The following LRCH3 variants were observed in gnomAD, a reference collection of about 807,000 sequenced individuals.
LRCH3 encodes leucine rich repeats and calponin homology domain containing 3, also known as DISP complex protein LRCH3.
Under a neutral mutation model 104.5 loss-of-function variants are expected in LRCH3, and 68 were observed. The ratio of observed to expected loss-of-function variants is 0.65; its 90% CI spans 0.54 to 0.80. The LOEUF is 0.80. Among genes scored for constraint, LRCH3 ranks in the 30% least tolerant of loss-of-function variants. The pLI is 0.00. For missense variants in LRCH3, 951 were observed against 953.9 expected (o/e 1.00, Z 0.04); for synonymous variants, 344 against 361.3 (o/e 0.95, Z 0.54).
At position 197,802,592 on chromosome 3, in the gene LRCH3, T is replaced by G. The variant is rs140545920; in HGVS notation, c.262+11052T>G. Among the ~76,000 whole-genome samples, 409 of 152,302 alleles carry G rather than the reference T, an allele frequency of 2.7e-3. 4 individuals are homozygous for G. The highest frequency in any genetic ancestry group is 9.3e-3 in the African/African-American group (385 of 41,562). On this transcript the variant is annotated intron_variant, in intron 1 of 20. Coordinates refer to ENST00000425562, the MANE Select transcript of LRCH3 (RefSeq NM_001365715.1). ...GAGTTCGAGAAGGATTGTTATTAGTTCTTCATATGTTTGGTAGAATTCAGC... is the reference window on the plus strand; with the variant it reads ...GAGTTCGAGAAGGATTGTTATTAGTGCTTCATATGTTTGGTAGAATTCAGC...
At position 197,871,355 on chromosome 3, in the gene LRCH3, C is replaced by A. The variant is rs754821529; in HGVS notation, c.2023C>A (p.Pro675Thr). ...HIEYRLKVSL[P>T]CDLGAALTDG... ...TGAGTACCGGTTGAAAGTGTCTCTA[C>A]CTTGTGATCTCGGAGCAGCTCTAAC... Residue 675 changes from proline (P) to threonine (T), a missense_variant, in exon 19 of 21, where the codon CCT becomes ACT. Physicochemically the swap from Pro to Thr is conservative, Grantham distance 38. Coordinates refer to ENST00000425562, the MANE Select transcript of LRCH3 (RefSeq NM_001365715.1). The A allele has an allele frequency of 1.9e-6, 3 of 1,613,772 alleles. No individual in the cohort carries two copies. The South Asian group carries it at 3.3e-5, about 18-fold the overall frequency.
intron 20 of LRCH3, among the ~76,000 whole-genome samples, chr3:197,880,041 G>A (rs1457547037): frequency 6.6e-6 from 1 of 150,534 alleles, no homozygotes; most frequent in Non-Finnish European, 1.5e-5. Flanking sequence ...CGCCTCCCGG[G>A]TTCCCGCCAT....
chr3:197,847,005 T>C (rs1738835215), intron 10 of LRCH3, among the ~76,000 whole-genome samples: 1 of 152,204 alleles, frequency 6.6e-6, no homozygotes. Flanking sequence ...ATAAGTACAG[T>C]TACGAGGTTC....
In LRCH3 at chr3:197,885,306, T is replaced by A. The variant is rs1391575693; in HGVS notation, c.*1640T>A. On this transcript the variant is annotated 3_prime_UTR_variant, in exon 21 of 21. Coordinates refer to ENST00000425562, the MANE Select transcript of LRCH3 (RefSeq NM_001365715.1). ...TAACTGCCAGTTTCTGTGGCTGAAT[T>A]TAAGCACTTACAGCATCTTCCTAGC... is the stretch of plus-strand genomic sequence containing the variant. 6.6e-6 allele frequency: 1 copy of A among 152,244 alleles called. No individual in the cohort carries two copies. Among genetic ancestry groups the A allele is most frequent in the East Asian group, 1.9e-4 (1 of 5,202 alleles). 9.4% of individuals were successfully genotyped at this position (152,244 alleles called of 1,614,324 possible).
chr3:197,886,822 AAAAC>A lies in LRCH3; in HGVS notation c.*3157_*3160del, dbSNP rs1430527211. On this transcript the variant is annotated 3_prime_UTR_variant, in exon 21 of 21. Coordinates refer to ENST00000425562, the MANE Select transcript of LRCH3 (RefSeq NM_001365715.1). Reference sequence around the variant, plus strand: ...TCTGTCTCAAAAAAAAAAAAAAAAAAAAACCCACCAAACCAAAAATATACTATGC... The same window carrying A: ...TCTGTCTCAAAAAAAAAAAAAAAAAACCACCAAACCAAAAATATACTATGC... 6.6e-6 allele frequency: 1 copy of A among 151,980 alleles called. No homozygotes were observed. The highest frequency in any genetic ancestry group is 2.4e-5 in the African/African-American group (1 of 41,334). 9.4% of individuals were successfully genotyped at this position (151,980 alleles called of 1,614,324 possible). A position where few individuals can be genotyped will look rare whatever the true frequency, so the allele number is the denominator to read the frequency against.
In LRCH3 at chr3:197,887,651, C is replaced by T. The variant is rs1714329229; in HGVS notation, c.*3985C>T. On this transcript the variant is annotated 3_prime_UTR_variant, in exon 21 of 21. Transcript: ENST00000425562. The stretch of plus-strand genomic sequence containing the variant: ...CAGTGTCTGGGGCTGAGAGCCCCCC[C>T]TAGCAGAGCCCTTCCCATCACTGAC... 1 of 143,102 alleles carries T rather than the reference C, an allele frequency of 7.0e-6. No individual in the cohort carries two copies. Among genetic ancestry groups the T allele is most frequent in the Non-Finnish European group, 1.5e-5 (1 of 66,026 alleles). 8.9% of individuals were successfully genotyped at this position (143,102 alleles called of 1,614,324 possible).
chr3:197,880,586 T>C, intron 20 of LRCH3: 2 of 1,536,710 alleles, frequency 1.3e-6, no homozygotes, highest in Non-Finnish European at 1.7e-6. Flanking sequence ...CGCTCCTTTC[T>C]CTTGGGGCAC....
chr3:197,874,704 GA>G (rs113164952), intron 19 of LRCH3, among the ~76,000 whole-genome samples: 9 of 150,608 alleles, frequency 6.0e-5, no homozygotes, highest in African/African-American at 2.0e-4. Flanking sequence ...TTTTAAAATG[GA>G]AAAAAAAAGT....
Position 197,813,510 on chromosome 3 carries a change from ATTTTTTTTTT to A in LRCH3, c.263-1369_263-1360del, listed in dbSNP as rs57062885. Among the ~76,000 whole-genome samples, 65 of 66,052 alleles carry A rather than the reference ATTTTTTTTTT, an allele frequency of 9.8e-4. 5 individuals carry two copies. Among genetic ancestry groups the A allele is most frequent in the Middle Eastern group, 8.2e-3 (1 of 122 alleles). The allele number at this position is 66,052 out of a possible 152,430, so 43.3% of individuals were successfully genotyped here. A position where few individuals can be genotyped will look rare whatever the true frequency, so the allele number is the denominator to read the frequency against. ...CCGTTCTTCTAATGGGAGGCATATAATTTTTTTTTTTTTTTTTTTTTTTTTTTTTTTTTTT... is the reference window on the plus strand; with the variant it reads ...CCGTTCTTCTAATGGGAGGCATATAATTTTTTTTTTTTTTTTTTTTTTTTT... On this transcript the variant is annotated intron_variant, in intron 1 of 20. Coordinates refer to ENST00000425562, the MANE Select transcript of LRCH3 (RefSeq NM_001365715.1).
intron 1 of LRCH3, among the ~76,000 whole-genome samples, chr3:197,803,356 G>T (rs1732108623): frequency 6.6e-6 from 1 of 152,108 alleles, no homozygotes; most frequent in Non-Finnish European, 1.5e-5. Context: ...ATCACCTGGG[G>T]CTCTTTTTAA....
At chr3:197,850,545 T>G (rs1580804871) in intron 12 of LRCH3, 19 of 1,589,744 alleles carry the variant, frequency 1.2e-5, no homozygotes, top group Middle Eastern at 2.3e-4. Context: ...CATGTATGGG[T>G]TAATCCGACC....
At chr3:197,801,094 C>CAA (rs750542854) in intron 1 of LRCH3, among the ~76,000 whole-genome samples, 2 of 34,312 alleles carry the variant, frequency 5.8e-5, no homozygotes, top group African/African-American at 1.3e-4. Flanking sequence ...GACTCCATCT[C>CAA]AAAAAAAAAA....
rs1732978050 is a variant in LRCH3, at chr3:197,810,297, C to T, written c.263-4611C>T. Among the ~76,000 whole-genome samples the T allele has an allele frequency of 6.6e-6, 1 of 152,166 alleles. No homozygotes were observed. The highest frequency in any genetic ancestry group is 1.5e-5 in the Non-Finnish European group (1 of 68,034). ...TCAGCCTCCTGAGTAGCTGAGATTACAGGTGCTCACGACCATGCCCAGCTT... is the reference window on the plus strand; with the variant it reads ...TCAGCCTCCTGAGTAGCTGAGATTATAGGTGCTCACGACCATGCCCAGCTT... On this transcript the variant is annotated intron_variant, in intron 1 of 20. Coordinates refer to ENST00000425562, the MANE Select transcript of LRCH3 (RefSeq NM_001365715.1). The surrounding 1 kb of genome is among the most constrained non-coding windows in gnomAD (Gnocchi z 4.0).
chr3:197,867,891 G>T (rs949361194), intron 17 of LRCH3, among the ~76,000 whole-genome samples: 1 of 152,006 alleles, frequency 6.6e-6, no homozygotes, highest in South Asian at 2.1e-4. Context: ...AGGCATGGTG[G>T]TGCAGGCCTG....
chr3:197,845,031 A>C (rs1738438359), intron 10 of LRCH3, among the ~76,000 whole-genome samples: 1 of 152,236 alleles, frequency 6.6e-6, no homozygotes, highest in Admixed American at 6.5e-5. Context: ...TGAAACTGAA[A>C]GGACGGGACG....
At chr3:197,792,067 G>C (rs1158796333) in intron 1 of LRCH3, among the ~76,000 whole-genome samples, 2 of 152,106 alleles carry the variant, frequency 1.3e-5, no homozygotes, top group East Asian at 3.9e-4. Context: ...TGTTTAAAGT[G>C]AACCCGAGAG....
chr3:197,862,292 C>T (rs890627329), intron 15 of LRCH3, among the ~76,000 whole-genome samples: 2 of 152,190 alleles, frequency 1.3e-5, no homozygotes, highest in Non-Finnish European at 2.9e-5. Flanking sequence ...CTACTGCGCC[C>T]GGCCTGTTGC....
chr3:197,876,262 CTAAG>C (rs1233324079), intron 20 of LRCH3: 6 of 152,252 alleles, frequency 3.9e-5, no homozygotes, highest in African/African-American at 1.4e-4. Flanking sequence ...GTAATTCAAA[CTAAG>C]TAACATGAGA....
intron 20 of LRCH3, among the ~76,000 whole-genome samples, chr3:197,878,288 T>C (rs1038443243): frequency 1.3e-5 from 2 of 152,174 alleles, no homozygotes; most frequent in Admixed American, 1.3e-4. Flanking sequence ...AGTCCGTACC[T>C]TGGAATTATT....
Sources: gnomAD v4.1 joint callset for allele counts (sites outside exome capture counted in the v4.1 genomes callset) on GRCh38, gnomAD v4.1.1 for gene constraint, Gnocchi (gnomAD v3.1) non-coding constraint, MANE v1.5 for transcripts, NCBI Gene and HGNC (gene_info 2026-07-23, HGNC 2026-07-21) for gene names.